Variants in GP6 observed in about 807,000 individuals in gnomAD.
GP6 encodes the protein glycoprotein VI platelet.
GP6 carries 45 observed loss-of-function variants against 37.3 expected under a neutral mutation model. The ratio of observed to expected loss-of-function variants is 1.21; its 90% CI spans 0.95 to 1.55. The LOEUF (loss-of-function observed/expected upper bound fraction) is 1.55. Ranked by LOEUF, GP6 falls within the 40% of genes most tolerant of loss-of-function variation. The pLI is 0.00. For missense variants in GP6, 813 were observed against 760.2 expected, an observed-to-expected ratio of 1.07 and a Z score of -0.82; for synonymous variants, 340 against 316.4, an observed-to-expected ratio of 1.07 and a Z score of -0.79.
chr19:55,033,776 TG>T (rs2074704441), intron 1 of GP6, among the ~76,000 whole-genome samples: 1 of 152,150 alleles, frequency 6.6e-6, no homozygotes, highest in African/African-American at 2.4e-5. Flanking sequence ...CCCACACTAA[TG>T]GGATGCATTG....
intron 1 of GP6, among the ~76,000 whole-genome samples, chr19:55,036,177 C>T (rs557042183): frequency 6.6e-6 from 1 of 151,948 alleles, no homozygotes; most frequent in East Asian, 1.9e-4. Flanking sequence ...TGTATATTCT[C>T]ACTTATAAGT....
chr19:55,021,096 C>G, intron 5 of GP6, among the ~76,000 whole-genome samples: 1 of 148,632 alleles, frequency 6.7e-6, no homozygotes, highest in African/African-American at 2.5e-5. Flanking sequence ...CGGTGGCTCA[C>G]GCCTGTAATC....
chr19:55,026,966 GCCCCGCCCCTGC>G (rs2074329674), intron 4 of GP6, among the ~76,000 whole-genome samples: 2 of 139,296 alleles, frequency 1.4e-5, no homozygotes, highest in Admixed American at 7.4e-5. Context: ...CCCACCTCTG[GCCCCGCCCCTGC>G]AGCCCAGGGC....
intron 1 of GP6, among the ~76,000 whole-genome samples, chr19:55,035,937 G>A (rs1176627039): frequency 6.6e-6 from 1 of 151,654 alleles, no homozygotes; most frequent in South Asian, 2.1e-4. Context: ...GCCGGGCATG[G>A]TGGCGGGTGC....
chr19:55,032,439 G>A (rs757111978), intron 2 of GP6, 43 bp from the exon 3 acceptor site: 48 of 1,611,934 alleles, frequency 3.0e-5, no homozygotes, highest in Non-Finnish European at 3.6e-5. Flanking sequence ...CGCAGACCCC[G>A]CCTGGACCCC....
At chr19:55,022,537 G>A (rs976425544) in intron 5 of GP6, among the ~76,000 whole-genome samples, 2 of 152,166 alleles carry the variant, frequency 1.3e-5, no homozygotes, top group African/African-American at 2.4e-5. Context: ...AGAAATAAAG[G>A]ATACTCAAAT....
At chr19:55,026,419 C>G (rs2886413) in intron 4 of GP6, among the ~76,000 whole-genome samples, 115,482 of 152,116 alleles carry the variant, frequency 0.76, 44,630 homozygotes, top group Middle Eastern at 0.84. Flanking sequence ...CCTCCTTTGA[C>G]TAGAATCATA....
chr19:55,038,181 A>G (rs1333549529), intron 1 of GP6, 22 bp downstream of exon 1: 3 of 1,571,590 alleles, frequency 1.9e-6, no homozygotes, highest in Non-Finnish European at 2.6e-6. Flanking sequence ...AGCATTTCCC[A>G]GATCTGACCC....
chr19:55,038,114 C>G, intron 1 of GP6, 89 bp downstream of exon 1: 1 of 1,085,626 alleles, frequency 9.2e-7, no homozygotes, highest in Non-Finnish European at 1.4e-6. Context: ...TCCTGAAATT[C>G]ATCACCAATG....
chr19:55,016,965 A>G (rs1160268476), intron 6 of GP6, among the ~76,000 whole-genome samples: 1 of 152,052 alleles, frequency 6.6e-6, no homozygotes, highest in East Asian at 2.0e-4. Flanking sequence ...CGGAGATTGC[A>G]GTGAGCTGAG....
intron 5 of GP6, among the ~76,000 whole-genome samples, chr19:55,021,728 G>C (rs2074094747): frequency 1.3e-5 from 2 of 151,950 alleles, no homozygotes; most frequent in African/African-American, 4.8e-5. Context: ...CACCGTGTTA[G>C]CCAGGATGGT....
chr19:55,024,337 CACACGCACATGCACGCACACACACAT>C (rs1466056251), intron 5 of GP6, among the ~76,000 whole-genome samples: 3 of 85,982 alleles, frequency 3.5e-5, no homozygotes, highest in African/African-American at 3.5e-5. Flanking sequence ...TATGCACGCA[CACACGCACATGCACGCACACACACAT>C]ATGCACGCAC....
rs751083645 is a variant in GP6, at chr19:55,027,893, G to C, written c.326-31C>G. 3.1e-6 allele frequency: 5 copies of C among 1,610,656 alleles called. No homozygotes were observed. In the South Asian group the frequency reaches 5.5e-5, roughly 18 times the overall value. On this transcript the variant is annotated intron_variant, in intron 3 of 7. Coordinates refer to ENST00000310373, the MANE Select transcript of GP6 (RefSeq NM_001083899.2). ...AGAAAAAGAAAGTCTGATGTTGAAGGCAGGAGCCAGCATCTCAGCTGAGAC... is the reference window on the plus strand; with the variant it reads ...AGAAAAAGAAAGTCTGATGTTGAAGCCAGGAGCCAGCATCTCAGCTGAGAC...
intron 6 of GP6, among the ~76,000 whole-genome samples, chr19:55,017,395 C>T (rs1450259310): frequency 1.3e-5 from 2 of 151,980 alleles, no homozygotes; most frequent in South Asian, 2.1e-4. Flanking sequence ...ACAGACAAAG[C>T]GATAATTTTA....
At chr19:55,037,014 C>CA (rs2074856135) in intron 1 of GP6, among the ~76,000 whole-genome samples, 2 of 152,008 alleles carry the variant, frequency 1.3e-5, no homozygotes, top group South Asian at 4.2e-4. Context: ...GACTCCATCT[C>CA]AAAAAACAAA....
Position 55,038,222 on chromosome 19 carries a change from C to A in GP6, c.15G>T (p.Pro5=), listed in dbSNP as rs28385642. ...ACTCACCAAGACAGAAGAGGGCGGT[C>A]GGGGATGGAGACATGGTTCCTCAGC... The change falls in exon 1 of 8, where the codon CCG becomes CCT. Residue 5 remains proline, a synonymous_variant. Coordinates refer to ENST00000310373, the MANE Select transcript of GP6 (RefSeq NM_001083899.2). The A allele has an allele frequency of 6.3e-7, 1 of 1,591,752 alleles. No individual in the cohort carries two copies. The highest frequency in any genetic ancestry group is 1.3e-5 in the African/African-American group (1 of 74,844).
rs898950637 is a variant in GP6 at position 55,015,127 on chromosome 19, G to A, written c.818C>T (p.Pro273Leu). Residue 273 changes from proline (P) to leucine (L), a missense_variant, in exon 8 of 8, where the codon CCG (proline) becomes CTG (leucine). By Grantham distance (98) the Pro-to-Leu change is moderately conservative. Coordinates refer to ENST00000310373, the MANE Select transcript of GP6 (RefSeq NM_001083899.2). The stretch of plus-strand genomic sequence containing the variant: ...AGGATCACAGCCCCGAGGCATATCC[G>A]GACCAGGTTGCCCTTGGTGTAGTAC... 22 of 1,577,382 alleles carry A rather than the reference G, an allele frequency of 1.4e-5. No homozygotes were observed. The highest frequency in any genetic ancestry group is 3.5e-5 in the South Asian group (3 of 86,178).
At position 55,025,250 on chromosome 19, in the gene GP6, C is replaced by A. The variant is rs373154193; in HGVS notation, c.632G>T (p.Arg211Leu). 18 of 1,547,986 alleles carry A rather than the reference C, an allele frequency of 1.2e-5. No homozygotes were observed. The South Asian group carries it at 2.1e-4, about 18-fold the overall frequency. Residue 211 changes from arginine (R) to leucine (L), a missense_variant, in exon 5 of 8, where the codon CGG becomes CTG. Physicochemically the swap from Arg to Leu is moderately radical, Grantham distance 102. Transcript: ENST00000310373. ...CGGGGAAGGTGGTTCTGTTGGTAAC[C>A]GGCTGGGGGTCACAGAGGTTCCTGG...
At chr19:55,025,995 C>CTT in intron 4 of GP6, among the ~76,000 whole-genome samples, 1 of 24,692 alleles carries the variant, frequency 4.0e-5, no homozygotes, top group Non-Finnish European at 1.0e-4. Flanking sequence ...AAGTGAGACT[C>CTT]CCCCCAAAAA....
Sources: allele counts gnomAD v4.1 joint callset (sites outside exome capture counted in the v4.1 genomes callset), GRCh38; gene constraint gnomAD v4.1.1; transcripts MANE v1.5; gene names NCBI Gene and HGNC (gene_info 2026-07-23, HGNC 2026-07-21).